INPP5A: variants seen among roughly 807,000 people sequenced by gnomAD.
INPP5A encodes inositol polyphosphate-5-phosphatase A.
INPP5A carries 14 observed loss-of-function variants against 65.2 expected under a neutral mutation model. The ratio of observed to expected loss-of-function variants is 0.21; its 90% CI spans 0.14 to 0.34. The LOEUF is 0.34. Ranked by LOEUF, INPP5A falls within the 10% of genes least tolerant of loss-of-function variation. INPP5A has a pLI of 1.00. For synonymous variants in INPP5A, 207 were observed against 208.3 expected, an observed-to-expected ratio of 0.99 and a Z score of 0.05; for missense variants, 431 against 545.6, an observed-to-expected ratio of 0.79 and a Z score of 2.09.
chr10:132,657,822 T>G (rs991055221), intron 4 of INPP5A, among the ~76,000 whole-genome samples: 3 of 152,244 alleles, frequency 2.0e-5, no homozygotes, highest in Non-Finnish European at 2.9e-5. Flanking sequence ...TGGGGCTCGC[T>G]GCCTCCTCAC....
At chr10:132,623,294 A>T (rs142629819) in intron 2 of INPP5A, among the ~76,000 whole-genome samples, 11 of 152,378 alleles carry the variant, frequency 7.2e-5, no homozygotes, top group African/African-American at 1.9e-4. Context: ...GTAAAAGCAC[A>T]GAAATACAGA....
chr10:132,588,464 T>C (rs988695545), intron 1 of INPP5A, among the ~76,000 whole-genome samples: 1 of 152,258 alleles, frequency 6.6e-6, no homozygotes, highest in Non-Finnish European at 1.5e-5. Flanking sequence ...CAAAACTATT[T>C]TTAGCTGCAA....
intron 2 of INPP5A, among the ~76,000 whole-genome samples, chr10:132,635,457 G>A (rs1183283330): frequency 2.4e-5 from 3 of 123,496 alleles, no homozygotes; most frequent in African/African-American, 6.2e-5. Context: ...GTGCAGTGGC[G>A]CGATCTTGGC....
rs73387031 is a variant in INPP5A, at chr10:132,765,715, C to T, written c.904-58C>T. The T allele has an allele frequency of 1.9e-3, 1,910 of 1,005,434 alleles. 22 individuals carry two copies. In the African/African-American group the frequency reaches 0.025, roughly 13 times the overall value. 62.3% of individuals were successfully genotyped at this position (1,005,434 alleles called of 1,614,324 possible). ...AGCGTCCCAGCTGCACACAGACACA[C>T]GTGCCCCCAGCGAGGAAAACCAATG... On this transcript the variant is annotated intron_variant, in intron 11 of 15. Transcript: ENST00000368594.
rs1486945255 is a variant in INPP5A, at chr10:132,551,750, G to A, written c.75+13579G>A. The stretch of plus-strand genomic sequence containing the variant: ...AGGGACGTGGGGTGGGAATGGGCCT[G>A]ACCAGCTAGGGAACAGAGGCAGGAC... On this transcript the variant is annotated intron_variant, in intron 1 of 15. Transcript: ENST00000368594. The surrounding 1 kb of genome is among the most constrained non-coding windows in gnomAD (Gnocchi z 5.3). Among the ~76,000 whole-genome samples, 1 of 152,178 alleles carries A rather than the reference G, an allele frequency of 6.6e-6. No homozygotes were observed. Among genetic ancestry groups the A allele is most frequent in the Non-Finnish European group, 1.5e-5 (1 of 68,026 alleles).
chr10:132,779,960 A>G (rs1847131870), intron 13 of INPP5A, among the ~76,000 whole-genome samples: 1 of 152,172 alleles, frequency 6.6e-6, no homozygotes, highest in African/African-American at 2.4e-5. Context: ...AAAATCCACA[A>G]TTTTATGCTG....
chr10:132,541,170 G>A (rs984408916), intron 1 of INPP5A, among the ~76,000 whole-genome samples: 10 of 152,156 alleles, frequency 6.6e-5, no homozygotes, highest in Non-Finnish European at 1.5e-4. Flanking sequence ...TAGAGACCAG[G>A]TTTCGCCGTG....
chr10:132,547,137 G>A lies in INPP5A; in HGVS notation c.75+8966G>A, dbSNP rs113084768. 9.8e-3 allele frequency among the ~76,000 whole-genome samples: 1,500 copies of A among 152,340 alleles called. 29 individuals carry two copies. The highest frequency in any genetic ancestry group is 0.034 in the African/African-American group (1,415 of 41,570). ...CACAGTCCAGGTTCACGTGGATGCG[G>A]GGCAGGCCCCACCTCTCCTCGCATG... On this transcript the variant is annotated intron_variant, in intron 1 of 15. Transcript: ENST00000368594. The surrounding 1 kb of genome is among the most constrained non-coding windows in gnomAD (Gnocchi z 5.5).
At chr10:132,679,038 G>A (rs1367818951) in intron 4 of INPP5A, among the ~76,000 whole-genome samples, 1 of 152,218 alleles carries the variant, frequency 6.6e-6, no homozygotes, top group Non-Finnish European at 1.5e-5. Context: ...TGGCTGGGAG[G>A]AAGTGCAGTG....
chr10:132,779,894 C>T (rs985053771), intron 13 of INPP5A, among the ~76,000 whole-genome samples: 1 of 152,152 alleles, frequency 6.6e-6, no homozygotes. Context: ...TGAGGTGTGC[C>T]GCACGCTGCC....
intron 4 of INPP5A, among the ~76,000 whole-genome samples, chr10:132,655,748 T>C (rs2072648085): frequency 6.6e-6 from 1 of 152,244 alleles, no homozygotes; most frequent in Non-Finnish European, 1.5e-5. Flanking sequence ...ATGTATTTAC[T>C]GTAGGGACTT....
At chr10:132,726,568 C>T (rs1162922833) in intron 8 of INPP5A, among the ~76,000 whole-genome samples, 3 of 152,228 alleles carry the variant, frequency 2.0e-5, no homozygotes, top group African/African-American at 7.2e-5. Flanking sequence ...CTCTGCCTTT[C>T]CTCTTCCTCC....
At chr10:132,683,684 C>T (rs1007885914) in intron 4 of INPP5A, among the ~76,000 whole-genome samples, 1 of 152,214 alleles carries the variant, frequency 6.6e-6, no homozygotes, top group Non-Finnish European at 1.5e-5. Flanking sequence ...TCTTTATGTG[C>T]AACAGAGAAA....
intron 4 of INPP5A, among the ~76,000 whole-genome samples, chr10:132,681,493 G>C (rs938466136): frequency 1.2e-4 from 19 of 152,076 alleles, no homozygotes; most frequent in African/African-American, 4.6e-4. Context: ...AACAAACCCC[G>C]GACACGCCGC....
intron 1 of INPP5A, among the ~76,000 whole-genome samples, chr10:132,589,346 C>T (rs1300757767): frequency 2.6e-5 from 4 of 152,334 alleles, no homozygotes; most frequent in Admixed American, 2.0e-4. Flanking sequence ...TGTGCGGGTT[C>T]TTGAGGCAAA....
At chr10:132,712,947 T>C (rs1845672919) in intron 8 of INPP5A, among the ~76,000 whole-genome samples, 1 of 149,372 alleles carries the variant, frequency 6.7e-6, no homozygotes, top group Non-Finnish European at 1.5e-5. Context: ...GGTGTGGGCG[T>C]GTGGGTGTGT....
In INPP5A at chr10:132,759,963, G is replaced by A. The variant is rs151214049; in HGVS notation, c.904-5810G>A. ...CTCAGGGCTGCGGCCTCACGACTTC[G>A]GTGCTCAGCCACGCAGCACCGTGCT... On this transcript the variant is annotated intron_variant, in intron 11 of 15. Coordinates refer to ENST00000368594, the MANE Select transcript of INPP5A (RefSeq NM_005539.5). Among the ~76,000 whole-genome samples the A allele has an allele frequency of 5.5e-4, 84 of 152,288 alleles. 1 individual carries two copies. Among genetic ancestry groups the A allele is most frequent in the African/African-American group, 1.9e-3 (79 of 41,546 alleles).
chr10:132,726,933 G>A (rs939841830), intron 9 of INPP5A, 28 bp downstream of exon 9: 4 of 1,532,124 alleles, frequency 2.6e-6, no homozygotes, highest in Non-Finnish European at 2.7e-6. Flanking sequence ...TCCCGCCCTG[G>A]TCTCATGCCT....
chr10:132,651,529 T>C lies in INPP5A; in HGVS notation c.306+1024T>C, dbSNP rs1291133859. Among the ~76,000 whole-genome samples the C allele has an allele frequency of 6.6e-6, 1 of 152,010 alleles. No individual in the cohort carries two copies. Among genetic ancestry groups the C allele is most frequent in the Non-Finnish European group, 1.5e-5 (1 of 67,972 alleles). Reference sequence around the variant, plus strand: ...CCGGCCTGGTTCCATCTCCCCCGTCTCTGGAGAGGCCCTGCATCCTTCTCC... The same window carrying C: ...CCGGCCTGGTTCCATCTCCCCCGTCCCTGGAGAGGCCCTGCATCCTTCTCC... On this transcript the variant is annotated intron_variant, in intron 4 of 15. Coordinates refer to ENST00000368594, the MANE Select transcript of INPP5A (RefSeq NM_005539.5). This position sits in a 1 kb window ranked among gnomAD's most constrained non-coding sequence, Gnocchi z 5.0.
Sources: gnomAD v4.1 joint callset for allele counts (sites outside exome capture counted in the v4.1 genomes callset) on GRCh38, gnomAD v4.1.1 for gene constraint, Gnocchi (gnomAD v3.1) non-coding constraint, MANE v1.5 for transcripts, NCBI Gene and HGNC (gene_info 2026-07-23, HGNC 2026-07-21) for gene names.